PCNX1: variants seen among roughly 807,000 people sequenced by gnomAD.
PCNX1 encodes pecanex-like protein 1.
Under a neutral mutation model 242.2 loss-of-function variants are expected in PCNX1, and 78 were observed. That is an observed-to-expected ratio of 0.32 (90% CI 0.27 to 0.39). The LOEUF is 0.39. Ranked by LOEUF, PCNX1 falls within the 10% of genes least tolerant of loss-of-function variation. The probability of loss-of-function intolerance (pLI) is 1.00; values close to 1 mark genes in which losing one functional copy is unlikely to be tolerated. For missense variants in PCNX1, 2,581 were observed against 2,856.5 expected, an observed-to-expected ratio of 0.90 and a Z score of 2.20; for synonymous variants, 1,024 against 1,032.9, an observed-to-expected ratio of 0.99 and a Z score of 0.17.
chr14:71,075,556 GT>G (rs34724246), intron 27 of PCNX1, among the ~76,000 whole-genome samples: 57,698 of 151,722 alleles, frequency 0.38, 11,266 homozygotes, highest in East Asian at 0.62. Context: ...GCACAGTAAA[GT>G]TTTTTTTACC....
intron 1 of PCNX1, among the ~76,000 whole-genome samples, chr14:70,918,984 G>C (rs574828307): frequency 6.6e-6 from 1 of 151,764 alleles, no homozygotes; most frequent in East Asian, 1.9e-4. Context: ...AGGCTCAGTG[G>C]ATCCTCCTGT....
At chr14:70,970,790 A>G (rs2058517457) in intron 5 of PCNX1, among the ~76,000 whole-genome samples, 1 of 152,170 alleles carries the variant, frequency 6.6e-6, no homozygotes, top group African/African-American at 2.4e-5. Context: ...CGATACATAA[A>G]TAGTGGGCAT....
At chr14:71,023,954 G>A (rs926184749) in intron 13 of PCNX1, among the ~76,000 whole-genome samples, 6 of 152,008 alleles carry the variant, frequency 3.9e-5, no homozygotes, top group Non-Finnish European at 8.8e-5. Flanking sequence ...GTTTTTGACT[G>A]ATTACTGTTT....
At chr14:70,969,333 A>G (rs1447036998) in intron 5 of PCNX1, 2 of 443,006 alleles carry the variant, frequency 4.5e-6, no homozygotes, top group East Asian at 4.2e-5. Context: ...ACATGGAGAG[A>G]GAAATTCTAT....
intron 13 of PCNX1, among the ~76,000 whole-genome samples, chr14:71,024,726 A>G (rs1223056635): frequency 6.6e-6 from 1 of 152,138 alleles, no homozygotes; most frequent in Non-Finnish European, 1.5e-5. Context: ...TTGGCCAGCT[A>G]ATTCTTTGCT....
rs1478892020 is a variant in PCNX1 at position 71,113,744 on chromosome 14, G to C, written c.*3809G>C. On this transcript the variant is annotated 3_prime_UTR_variant, in exon 36 of 36. Coordinates refer to ENST00000304743, the MANE Select transcript of PCNX1 (RefSeq NM_014982.3). ...AATAATGATTTTGTCAGAATTCTTT[G>C]AATTTATATTTACTAGCTACTTAAC... 1 of 152,140 alleles carries C rather than the reference G, an allele frequency of 6.6e-6. No individual in the cohort carries two copies. The highest frequency in any genetic ancestry group is 2.4e-5 in the African/African-American group (1 of 41,436). The allele number at this position is 152,140 out of a possible 1,614,324, so 9.4% of individuals were successfully genotyped here. A position where few individuals can be genotyped will look rare whatever the true frequency, so the allele number is the denominator to read the frequency against.
intron 1 of PCNX1, among the ~76,000 whole-genome samples, chr14:70,945,053 G>T (rs780918280): frequency 6.6e-6 from 1 of 152,098 alleles, no homozygotes; most frequent in Admixed American, 6.5e-5. Context: ...TCATCCTACA[G>T]CCCCTCTTCC....
In PCNX1 at chr14:71,094,454, TAAG is replaced by T. The variant is rs554621326; in HGVS notation, c.5589+5117_5589+5119del. Among the ~76,000 whole-genome samples the T allele has an allele frequency of 2.0e-4, 30 of 152,374 alleles. 1 individual carries two copies. The South Asian group carries it at 3.5e-3, about 18-fold the overall frequency. On this transcript the variant is annotated intron_variant, in intron 30 of 35. Coordinates refer to ENST00000304743, the MANE Select transcript of PCNX1 (RefSeq NM_014982.3). ...TAAATCATATTTCAAACTTGACTTT[TAAG>T]AAGATTCTGTTTCCAGAGAGCTGAA...
intron 1 of PCNX1, among the ~76,000 whole-genome samples, chr14:70,914,440 G>C (rs74061482): frequency 1.3e-5 from 2 of 152,144 alleles, no homozygotes; most frequent in Admixed American, 6.5e-5. Context: ...TGTCTTTTGT[G>C]ACGTAAAGGT....
chr14:71,019,002 T>G lies in PCNX1; in HGVS notation c.2997-7T>G. 1 of 1,608,738 alleles carries G rather than the reference T, an allele frequency of 6.2e-7. No individual in the cohort carries two copies. Among genetic ancestry groups the G allele is most frequent in the Non-Finnish European group, 8.5e-7 (1 of 1,177,648 alleles). ...ATATACTTACCCATAAGTTTTTCTG[T>G]CCGTAGAAATCGTGAGATCCTGGAA... On this transcript the variant is annotated splice_polypyrimidine_tract_variant and splice_region_variant and intron_variant, in intron 11 of 35. Coordinates refer to ENST00000304743, the MANE Select transcript of PCNX1 (RefSeq NM_014982.3).
intron 13 of PCNX1, among the ~76,000 whole-genome samples, chr14:71,024,133 C>T (rs765512599): frequency 1.3e-5 from 2 of 152,148 alleles, no homozygotes; most frequent in Non-Finnish European, 2.9e-5. Flanking sequence ...CCCTTTCTAG[C>T]ACATGATCAT....
rs1044750339 is a variant in PCNX1, at chr14:71,033,450, A to G, written c.3580A>G (p.Ile1194Val). The G allele has an allele frequency of 6.2e-7, 1 of 1,601,544 alleles. No homozygotes were observed. Among genetic ancestry groups the G allele is most frequent in the Non-Finnish European group, 8.6e-7 (1 of 1,169,356 alleles). Residue 1194 changes from isoleucine to valine, a missense_variant, in exon 17 of 36, where the codon ATT becomes GTT. This residue lies in a region of PCNX1 where 432 missense variants were observed against 443.1 expected (regional missense o/e 0.97). Coordinates refer to ENST00000304743, the MANE Select transcript of PCNX1 (RefSeq NM_014982.3). ...GCAGGATTCTTGGGATGGCCAGCATATTCCAGTACTTTTCTCCATTTTTTG... is the reference window on the plus strand; with the variant it reads ...GCAGGATTCTTGGGATGGCCAGCATGTTCCAGTACTTTTCTCCATTTTTTG... ...ALKDSWDGQHIPVLFSIFCGL... is the reference protein window; with the variant it reads ...ALKDSWDGQHVPVLFSIFCGL...
intron 9 of PCNX1, among the ~76,000 whole-genome samples, chr14:71,010,615 C>T (rs1017081076): frequency 6.6e-6 from 1 of 151,930 alleles, no homozygotes; most frequent in Non-Finnish European, 1.5e-5. Flanking sequence ...AAGGTGTTAA[C>T]ATTTTTGTTT....
At chr14:71,097,984 G>A (rs865809289) in intron 30 of PCNX1, among the ~76,000 whole-genome samples, 1 of 152,136 alleles carries the variant, frequency 6.6e-6, no homozygotes, top group South Asian at 2.1e-4. Flanking sequence ...TAGGAGTCTG[G>A]TTTCATTCTT....
intron 7 of PCNX1, among the ~76,000 whole-genome samples, chr14:70,993,658 C>A (rs1371298010): frequency 6.6e-6 from 1 of 152,016 alleles, no homozygotes; most frequent in African/African-American, 2.4e-5. Context: ...ATCTAGCTGC[C>A]ATATGGCAAC....
At chr14:71,094,098 A>G (rs1005004964) in intron 30 of PCNX1, among the ~76,000 whole-genome samples, 7 of 152,136 alleles carry the variant, frequency 4.6e-5, no homozygotes, top group Non-Finnish European at 8.8e-5. Flanking sequence ...GGTCAACTCT[A>G]TATGTCTACA....
chr14:70,914,443 G>T (rs547418974), intron 1 of PCNX1, among the ~76,000 whole-genome samples: 1 of 152,122 alleles, frequency 6.6e-6, no homozygotes, highest in Non-Finnish European at 1.5e-5. Context: ...CTTTTGTGAC[G>T]TAAAGGTGGA....
At position 71,089,335 on chromosome 14, in the gene PCNX1, T is replaced by G; in HGVS notation, c.5582T>G (p.Leu1861Arg). 6.2e-7 allele frequency: 1 copy of G among 1,610,066 alleles called. No individual in the cohort carries two copies. Among genetic ancestry groups the G allele is most frequent in the Non-Finnish European group, 8.5e-7 (1 of 1,177,558 alleles). Residue 1861 changes from leucine to arginine, a missense_variant, in exon 30 of 36, where the codon CTT (leucine) becomes CGT (arginine). Leu to Arg is a moderately radical substitution (Grantham distance 102). Around this residue, in one of 9 missense-constraint regions of PCNX1, gnomAD observed 298 missense variants for 480.1 expected, o/e 0.62. Coordinates refer to ENST00000304743, the MANE Select transcript of PCNX1 (RefSeq NM_014982.3). ...VVPGIRMSIK[L>R]HQDHFTSPDE... ...CCTGGGATCCGTATGTCCATTAAAC[T>G]TCATCAGGTAAGAAGATGAGATTTT...
In PCNX1 at chr14:70,947,032, G is replaced by A. The variant is rs755725633; in HGVS notation, c.271G>A (p.Val91Ile). ...CAGAGCACTTGATGCTGGAGAAGTTGTAGATAGGACTGCAAATGAGTTCAC... is the reference window on the plus strand; with the variant it reads ...CAGAGCACTTGATGCTGGAGAAGTTATAGATAGGACTGCAAATGAGTTCAC... ...LHRALDAGEVVDRTANEFTDQ... is the reference protein window; with the variant it reads ...LHRALDAGEVIDRTANEFTDQ... Residue 91 changes from valine to isoleucine, a missense_variant, in exon 2 of 36, where the codon GTA becomes ATA. This residue lies in a region of PCNX1 where 1,204 missense variants were observed against 1,216.7 expected (regional missense o/e 0.99). Coordinates refer to ENST00000304743, the MANE Select transcript of PCNX1 (RefSeq NM_014982.3). 2.5e-6 allele frequency: 4 copies of A among 1,613,974 alleles called. No individual in the cohort carries two copies. The highest frequency in any genetic ancestry group is 3.4e-6 in the Non-Finnish European group (4 of 1,179,938).
Sources: allele counts gnomAD v4.1 joint callset (sites outside exome capture counted in the v4.1 genomes callset), GRCh38; gene constraint gnomAD v4.1.1; regional missense constraint gnomAD v4.1.1; transcripts MANE v1.5; gene names NCBI Gene and HGNC (gene_info 2026-07-23, HGNC 2026-07-21).